The following ZNF331 variants were observed in gnomAD, a reference collection of about 807,000 sequenced individuals.
The protein encoded by ZNF331 is zinc finger protein 331.
Under a neutral mutation model 7.0 loss-of-function variants are expected in ZNF331, and 2 were observed. The observed-to-expected ratio is 0.29, with a 90% CI of 0.12 to 0.90. The LOEUF is 0.90. ZNF331 is among the 40% of genes least tolerant of loss of function. The probability of loss-of-function intolerance (pLI) is 0.58; values close to 1 mark genes in which losing one functional copy is unlikely to be tolerated. For missense variants in ZNF331, 432 were observed against 587.7 expected (o/e 0.74, Z 2.74); for synonymous variants, 196 against 205.4 (o/e 0.95, Z 0.39).
chr19:53,534,869 G>A (rs1312933859), upstream of ZNF331, among the ~76,000 whole-genome samples: 1 of 152,022 alleles, frequency 6.6e-6, no homozygotes, highest in Non-Finnish European at 1.5e-5. Flanking sequence ...TATTCTGCCA[G>A]TAACAGGCCT....
In ZNF331 at chr19:53,558,970, TAC is replaced by T. The variant is rs75818121; in HGVS notation, c.-74+3068_-74+3069del. ...ATATACACATACCATATACACACCATACACACATATACACACACATACCCCAT... is the reference window on the plus strand; with the variant it reads ...ATATACACATACCATATACACACCATACACATATACACACACATACCCCAT... On this transcript the variant is annotated intron_variant, in intron 3 of 5. Coordinates refer to ENST00000449416, the MANE Select transcript of ZNF331 (RefSeq NM_001079906.2). The surrounding 1 kb of genome is among the most constrained non-coding windows in gnomAD (Gnocchi z 4.5). 0.33 allele frequency among the ~76,000 whole-genome samples: 47,041 copies of T among 143,646 alleles called. 8,295 individuals carry two copies. The highest frequency in any genetic ancestry group is 0.54 in the South Asian group (2,526 of 4,646). The allele number at this position is 143,646 out of a possible 152,430, so 94.2% of individuals were successfully genotyped here.
chr19:53,507,395 C>A, the ZNF331 span, among the ~76,000 whole-genome samples: 5 of 152,236 alleles, frequency 3.3e-5, no homozygotes, highest in African/African-American at 9.6e-5. Context: ...TCTACAAAAC[C>A]CCCCGAAAGC....
the ZNF331 span, among the ~76,000 whole-genome samples, chr19:53,510,528 T>C: frequency 6.6e-6 from 1 of 152,138 alleles, no homozygotes; most frequent in South Asian, 2.1e-4. Context: ...TTGTAATGTG[T>C]CTTATGCACT....
At chr19:53,537,127 C>T (rs573904996), upstream of ZNF331, 64 of 152,388 alleles carry the variant, frequency 4.2e-4, no homozygotes, top group African/African-American at 1.5e-3. Context: ...AGAAAAAAAG[C>T]ATTTTGTGAA....
chr19:53,543,792 C>T (rs188052603), intron 2 of ZNF331, among the ~76,000 whole-genome samples: 1 of 152,280 alleles, frequency 6.6e-6, no homozygotes, highest in Admixed American at 6.5e-5. Context: ...ACGAAACAGA[C>T]ACTATGAGGC....
intron 3 of ZNF331, among the ~76,000 whole-genome samples, chr19:53,559,663 A>T (rs1293065847): frequency 6.6e-6 from 1 of 151,364 alleles, no homozygotes; most frequent in Admixed American, 6.6e-5. Flanking sequence ...CTACATATAT[A>T]CACACATATA....
chr19:53,503,431 C>T, the ZNF331 span: 1 of 591,506 alleles, frequency 1.7e-6, no homozygotes, highest in Non-Finnish European at 3.0e-6. Context: ...ATCTTCTTAT[C>T]GCAGACTGTA....
chr19:53,569,142 C>T (rs1339231572), intron 3 of ZNF331, among the ~76,000 whole-genome samples, 162 bp from the exon 4 acceptor site: 1 of 152,140 alleles, frequency 6.6e-6, no homozygotes, highest in African/African-American at 2.4e-5. Context: ...AGGCGTGAGC[C>T]ACCGCACCTG....
the ZNF331 span, among the ~76,000 whole-genome samples, chr19:53,506,343 A>C: frequency 6.7e-6 from 1 of 150,146 alleles, no homozygotes; most frequent in African/African-American, 2.4e-5. Context: ...TCAAAAAAAA[A>C]AAAAAAAAAG....
chr19:53,546,140 G>GAATAAAAAAAAAAAAAAAAAAAAA (rs2088587878), intron 2 of ZNF331, among the ~76,000 whole-genome samples: 1 of 113,484 alleles, frequency 8.8e-6, no homozygotes, highest in Non-Finnish European at 1.9e-5. Flanking sequence ...TCCTGAGGGG[G>GAATAAAAAAAAAAAAAAAAAAAAA]AAAAAAAAAA....
chr19:53,556,988 T>C (rs889010775), intron 3 of ZNF331, among the ~76,000 whole-genome samples: 2 of 144,818 alleles, frequency 1.4e-5, no homozygotes, highest in African/African-American at 5.1e-5. Context: ...TTTTTTTTTT[T>C]TTTTTTTTTT....
At chr19:53,505,814 C>T in the ZNF331 span, among the ~76,000 whole-genome samples, 2 of 149,026 alleles carry the variant, frequency 1.3e-5, no homozygotes, top group African/African-American at 2.5e-5. Context: ...GTGAAACCCC[C>T]TCTCTATTAA....
chr19:53,521,214 G>A (rs998755784), exon 1 of ZNF331: 1 of 152,354 alleles, frequency 6.6e-6, no homozygotes. Flanking sequence ...GGAAGCCAGG[G>A]CAGGGTTCCG....
rs569237174 is a variant in ZNF331 at position 53,549,931 on chromosome 19, G to A, written c.-137-5914G>A. Among the ~76,000 whole-genome samples, 13 of 152,210 alleles carry A rather than the reference G, an allele frequency of 8.5e-5. No individual in the cohort carries two copies. In the South Asian group the frequency reaches 2.1e-3, roughly 24 times the overall value. On this transcript the variant is annotated intron_variant, in intron 2 of 5. Transcript: ENST00000449416. ...CTCTCTTGCCTTCTTTAAGATTTGA[G>A]GATGTTGTGTTTACATTTACGTTTG...
At chr19:53,525,846 G>A (rs758984950) in intron 2 of ZNF331, among the ~76,000 whole-genome samples, 3 of 152,168 alleles carry the variant, frequency 2.0e-5, no homozygotes, top group Non-Finnish European at 4.4e-5. Context: ...AGTGGTAAGA[G>A]TGGGAATCCT....
intron 2 of ZNF331, among the ~76,000 whole-genome samples, chr19:53,523,957 C>T (rs1171001495): frequency 6.6e-6 from 1 of 152,146 alleles, no homozygotes; most frequent in African/African-American, 2.4e-5. Context: ...TATTCACCAC[C>T]CTGTGTCCAA....
At chr19:53,565,233 C>T (rs2090095579) in intron 3 of ZNF331, among the ~76,000 whole-genome samples, 1 of 152,158 alleles carries the variant, frequency 6.6e-6, no homozygotes, top group African/African-American at 2.4e-5. Context: ...AGAGAGGTGC[C>T]AGGAAGGGGA....
chr19:53,546,945 A>G (rs1483527756), intron 2 of ZNF331, among the ~76,000 whole-genome samples: 1 of 152,168 alleles, frequency 6.6e-6, no homozygotes, highest in Admixed American at 6.6e-5. Flanking sequence ...GATCTAGGGC[A>G]GAGGTTGGCA....
chr19:53,572,124 C>G lies in ZNF331; in HGVS notation c.136+394C>G, dbSNP rs1176261907. 3.3e-5 allele frequency among the ~76,000 whole-genome samples: 5 copies of G among 152,240 alleles called. No individual in the cohort carries two copies. In the East Asian group the frequency reaches 9.6e-4, roughly 29 times the overall value. On this transcript the variant is annotated intron_variant, in intron 5 of 5. Transcript: ENST00000449416. ...TGTGGACACAGTGCCCTGAATTGTT[C>G]TAGTAAACCAGCCTATGTGTTTGAA...
Sources: gnomAD v4.1 joint callset for allele counts (sites outside exome capture counted in the v4.1 genomes callset) on GRCh38, gnomAD v4.1.1 for gene constraint, Gnocchi (gnomAD v3.1) non-coding constraint, MANE v1.5 for transcripts, NCBI Gene and HGNC (gene_info 2026-07-23, HGNC 2026-07-21) for gene names.